HSPBAP1: variants seen among roughly 807,000 people sequenced by gnomAD.
The protein encoded by HSPBAP1 is HSPB1 associated protein 1, also known as HSPB1-associated protein 1.
A neutral mutation model predicts 45.2 loss-of-function variants in HSPBAP1; 27 were observed. The observed-to-expected ratio is 0.60, with a 90% CI of 0.44 to 0.82. HSPBAP1 has a LOEUF of 0.82. HSPBAP1 is among the 40% of genes least tolerant of loss of function. The pLI, the probability that HSPBAP1 is intolerant of heterozygous loss-of-function variation, is 0.00. For synonymous variants in HSPBAP1, 204 were observed against 202.7 expected, an observed-to-expected ratio of 1.01 and a Z score of -0.06; for missense variants, 510 against 590.9, an observed-to-expected ratio of 0.86 and a Z score of 1.42.
intron 6 of HSPBAP1, among the ~76,000 whole-genome samples, chr3:122,747,683 G>A (rs1431520900): frequency 1.5e-4 from 22 of 145,954 alleles, no homozygotes; most frequent in Non-Finnish European, 1.8e-4. Flanking sequence ...GGTGAGGGGC[G>A]CCTCTGCCCA....
intron 5 of HSPBAP1, 182 bp downstream of exon 5, chr3:122,755,078 A>G (rs1418635652): frequency 1.6e-6 from 2 of 1,224,448 alleles, no homozygotes; most frequent in Non-Finnish European, 2.0e-6. Flanking sequence ...GGACCTGTGA[A>G]GCAGAGGTGT....
chr3:122,755,273 A>G lies in HSPBAP1; in HGVS notation c.728T>C (p.Leu243Pro). Residue 243 changes from leucine (L) to proline (P), a missense_variant, in exon 5 of 8, where the codon CTG becomes CCG. By Grantham distance (98) the Leu-to-Pro change is moderately conservative. Transcript: ENST00000306103. ...AAGCCCTATTACCTGTCCTGGGCTC[A>G]GTGTAACCGCATGTCTTTGAGCTTT... ...FRKAQRHAVT[L>P]SPGQVLFVPR... The G allele has an allele frequency of 6.3e-7, 1 of 1,581,546 alleles. No homozygotes were observed. The highest frequency in any genetic ancestry group is 8.6e-7 in the Non-Finnish European group (1 of 1,168,338).
chr3:122,773,189 T>G (rs1036436806), intron 2 of HSPBAP1, among the ~76,000 whole-genome samples: 13 of 152,076 alleles, frequency 8.5e-5, no homozygotes, highest in African/African-American at 3.1e-4. Flanking sequence ...CAAAAAAATT[T>G]TTAAACCCTA....
chr3:122,741,314 C>T, intron 6 of HSPBAP1: 1 of 574,102 alleles, frequency 1.7e-6, no homozygotes, highest in African/African-American at 1.9e-5. Context: ...AATATTTCAC[C>T]AATCAAATTT....
intron 6 of HSPBAP1, among the ~76,000 whole-genome samples, chr3:122,749,981 T>TC (rs1934069386): frequency 1.3e-5 from 2 of 150,040 alleles, no homozygotes; most frequent in African/African-American, 2.4e-5. Flanking sequence ...TTTCTTTCTT[T>TC]TTTTTTTTTT....
intron 1 of HSPBAP1, among the ~76,000 whole-genome samples, chr3:122,792,432 G>A (rs1935860783): frequency 6.6e-6 from 1 of 152,122 alleles, no homozygotes; most frequent in South Asian, 2.1e-4. Flanking sequence ...ATGCAATGGA[G>A]GTATAGATGA....
intron 3 of HSPBAP1, among the ~76,000 whole-genome samples, chr3:122,767,494 G>A (rs1035549942): frequency 7.0e-6 from 1 of 142,464 alleles, no homozygotes; most frequent in African/African-American, 2.5e-5. Flanking sequence ...GGAGGCAGAG[G>A]TTGCAGGGAG....
At chr3:122,775,593 C>A (rs768905650) in intron 2 of HSPBAP1, among the ~76,000 whole-genome samples, 2 of 152,114 alleles carry the variant, frequency 1.3e-5, no homozygotes, top group Non-Finnish European at 2.9e-5. Flanking sequence ...GGATTACAGG[C>A]GTGAGCCACT....
At chr3:122,773,550 A>C (rs1320783473) in intron 2 of HSPBAP1, among the ~76,000 whole-genome samples, 1 of 152,100 alleles carries the variant, frequency 6.6e-6, no homozygotes, top group Non-Finnish European at 1.5e-5. Context: ...TCCTGAGCTC[A>C]GGTAATCCGC....
rs912463948 is a variant in HSPBAP1, at chr3:122,785,910, T to G, written c.64+7707A>C. On this transcript the variant is annotated intron_variant, in intron 1 of 7. Transcript: ENST00000306103. Reference sequence around the variant, plus strand: ...ATTTCCATGTGTGTGCGTGTGTGTGTGTGTGTGCACGCGCGCACATATGGA... The same window carrying G: ...ATTTCCATGTGTGTGCGTGTGTGTGGGTGTGTGCACGCGCGCACATATGGA... 1.1e-3 allele frequency among the ~76,000 whole-genome samples: 174 copies of G among 152,072 alleles called. 2 individuals carry two copies. Among genetic ancestry groups the G allele is most frequent in the Non-Finnish European group, 7.4e-4 (50 of 68,018 alleles).
chr3:122,775,067 C>T (rs966676005), intron 2 of HSPBAP1, among the ~76,000 whole-genome samples: 3 of 151,370 alleles, frequency 2.0e-5, no homozygotes, highest in Non-Finnish European at 2.9e-5. Flanking sequence ...TGAAATATTA[C>T]GTAGCCATTG....
At chr3:122,750,416 T>C (rs538914830) in intron 6 of HSPBAP1, among the ~76,000 whole-genome samples, 7 of 152,364 alleles carry the variant, frequency 4.6e-5, no homozygotes, top group Non-Finnish European at 8.8e-5. Flanking sequence ...GTCATGCTCA[T>C]GTGTGAGACA....
intron 2 of HSPBAP1, among the ~76,000 whole-genome samples, chr3:122,772,293 T>G (rs1045930734): frequency 2.0e-5 from 3 of 152,186 alleles, no homozygotes; most frequent in African/African-American, 4.8e-5. Flanking sequence ...GTGAGAACTT[T>G]GTGTAACTCT....
At chr3:122,779,040 C>T (rs79166145) in intron 1 of HSPBAP1, among the ~76,000 whole-genome samples, 18,466 of 146,382 alleles carry the variant, frequency 0.13, 1,315 homozygotes, top group Middle Eastern at 0.19. Flanking sequence ...CTTTCTTTTT[C>T]TTTTTTTTTT....
chr3:122,742,612 A>C (rs1040695806), intron 6 of HSPBAP1, among the ~76,000 whole-genome samples: 3 of 152,244 alleles, frequency 2.0e-5, no homozygotes, highest in African/African-American at 7.2e-5. Context: ...GTTGCTGTGA[A>C]GATAACTTGA....
chr3:122,740,380 C>G lies in HSPBAP1; in HGVS notation c.1432G>C (p.Val478Leu). Residue 478 changes from valine (V) to leucine (L), a missense_variant, in exon 8 of 8, where the codon GTG (valine) becomes CTG (leucine). Coordinates refer to ENST00000306103, the MANE Select transcript of HSPBAP1 (RefSeq NM_024610.6). The stretch of plus-strand genomic sequence containing the variant: ...CTTCCTTGTATCAAAAGTTGTGCCA[C>G]TATCCTGGTTACTTGTGGATTCACC... ...CLVNPQVTRI[V>L]AQLLIQGRSL The G allele has an allele frequency of 6.2e-7, 1 of 1,611,454 alleles. No individual in the cohort carries two copies. The highest frequency in any genetic ancestry group is 1.7e-5 in the Admixed American group (1 of 60,000).
At chr3:122,793,023 T>C (rs960483474) in intron 1 of HSPBAP1, among the ~76,000 whole-genome samples, 2 of 152,206 alleles carry the variant, frequency 1.3e-5, no homozygotes, top group Admixed American at 1.3e-4. Context: ...GGTGACCACA[T>C]AGTAAGTCAT....
chr3:122,782,571 A>G (rs1252662143), intron 1 of HSPBAP1, among the ~76,000 whole-genome samples: 1 of 152,140 alleles, frequency 6.6e-6, no homozygotes, highest in African/African-American at 2.4e-5. Flanking sequence ...GAATGGTCAA[A>G]AAAAGGATTA....
intron 2 of HSPBAP1, among the ~76,000 whole-genome samples, chr3:122,773,014 A>C (rs1935055205): frequency 6.6e-6 from 1 of 151,932 alleles, no homozygotes; most frequent in South Asian, 2.1e-4. Flanking sequence ...ACACCTGGCT[A>C]ATTAAAATTT....
Sources: allele counts gnomAD v4.1 joint callset (sites outside exome capture counted in the v4.1 genomes callset), GRCh38; gene constraint gnomAD v4.1.1; transcripts MANE v1.5; gene names NCBI Gene and HGNC (gene_info 2026-07-23, HGNC 2026-07-21).